Variants in CFAP20DC observed in about 807,000 individuals in gnomAD.
CFAP20DC encodes protein CFAP20DC.
A neutral mutation model predicts 101.7 loss-of-function variants in CFAP20DC; 84 were observed. The observed-to-expected ratio is 0.83, with a 90% confidence interval of 0.69 to 0.99. CFAP20DC has a LOEUF of 0.99. CFAP20DC is among the 50% of genes least tolerant of loss of function. The probability of loss-of-function intolerance (pLI) is 0.00; values close to 1 mark genes in which losing one functional copy is unlikely to be tolerated. For missense variants in CFAP20DC, 1,007 were observed against 970.3 expected (o/e 1.04, Z -0.50); for synonymous variants, 359 against 351.2 (o/e 1.02, Z -0.25).
intron 6 of CFAP20DC, among the ~76,000 whole-genome samples, chr3:58,889,550 CTTTTTTTA>C (rs1396419280): frequency 1.0e-3 from 142 of 135,552 alleles, no homozygotes; most frequent in African/African-American, 4.2e-3. Context: ...TTCTTTTTTT[CTTTTTTTA>C]AATTTATTTT....
At chr3:58,945,536 G>T (rs770069448) in intron 4 of CFAP20DC, among the ~76,000 whole-genome samples, 17 of 152,032 alleles carry the variant, frequency 1.1e-4, no homozygotes, top group Non-Finnish European at 2.1e-4. Flanking sequence ...TCATTCCCAG[G>T]CTCCTGGGGG....
intron 4 of CFAP20DC, among the ~76,000 whole-genome samples, chr3:58,995,216 C>A (rs2093075405): frequency 6.6e-6 from 1 of 152,050 alleles, no homozygotes; most frequent in Non-Finnish European, 1.5e-5. Context: ...CCTTCCTCTG[C>A]CCCATCACTC....
chr3:58,809,361 C>T (rs1041978508), intron 14 of CFAP20DC, among the ~76,000 whole-genome samples: 8 of 152,090 alleles, frequency 5.3e-5, no homozygotes, highest in African/African-American at 1.9e-4. Context: ...TCTCTCAGAC[C>T]ACAGTGCAAT....
chr3:58,939,418 T>C (rs952756258), intron 4 of CFAP20DC, among the ~76,000 whole-genome samples: 1 of 152,208 alleles, frequency 6.6e-6, no homozygotes, highest in South Asian at 2.1e-4. Flanking sequence ...AAAGGGCTAC[T>C]GTGCTTTCAT....
rs559210834 is a variant in CFAP20DC, at chr3:58,854,549, C to G, written c.1594-5140G>C. Among the ~76,000 whole-genome samples the G allele has an allele frequency of 2.2e-4, 34 of 152,268 alleles. No homozygotes were observed. In the South Asian group the frequency reaches 6.2e-3, roughly 28 times the overall value. On this transcript the variant is annotated intron_variant, in intron 12 of 16. Transcript: ENST00000482387. ...CCAAGTCAATCCTGAGCCAAAAGAA[C>G]AAAGCTGGAGGCATCAGGCTACCTG...
chr3:59,048,764 T>C (rs1488310027), intron 1 of CFAP20DC, among the ~76,000 whole-genome samples: 1 of 152,094 alleles, frequency 6.6e-6, no homozygotes, highest in African/African-American at 2.4e-5. Context: ...TTAGATACAG[T>C]AACAAACGTT....
chr3:59,035,523 C>A (rs777510350), intron 4 of CFAP20DC, among the ~76,000 whole-genome samples: 4 of 152,116 alleles, frequency 2.6e-5, no homozygotes, highest in Non-Finnish European at 4.4e-5. Context: ...CACCACTGAT[C>A]CCACAGAAAA....
chr3:58,967,079 A>G (rs1387045236), intron 4 of CFAP20DC, among the ~76,000 whole-genome samples: 1 of 152,216 alleles, frequency 6.6e-6, no homozygotes, highest in Non-Finnish European at 1.5e-5. Flanking sequence ...ACAAAGTTGG[A>G]GGACTCCCAT....
chr3:58,797,938 T>C (rs1315773588), intron 15 of CFAP20DC, among the ~76,000 whole-genome samples: 1 of 152,182 alleles, frequency 6.6e-6, no homozygotes, highest in East Asian at 1.9e-4. Context: ...ACTGAATATC[T>C]TGAGCCTACT....
At chr3:58,834,157 C>G (rs904250732) in intron 13 of CFAP20DC, among the ~76,000 whole-genome samples, 4 of 151,928 alleles carry the variant, frequency 2.6e-5, no homozygotes, top group Non-Finnish European at 4.4e-5. Flanking sequence ...ACTAAGAACT[C>G]CCGAATTCCT....
At chr3:59,012,987 A>G (rs1487392150) in intron 4 of CFAP20DC, among the ~76,000 whole-genome samples, 1 of 152,206 alleles carries the variant, frequency 6.6e-6, no homozygotes, top group Non-Finnish European at 1.5e-5. Flanking sequence ...GTTTTAAAAG[A>G]ACGCATAATT....
In CFAP20DC at chr3:58,786,271, C is replaced by T. The variant is rs563569920; in HGVS notation, c.2237+20124G>A. Among the ~76,000 whole-genome samples the T allele has an allele frequency of 5.0e-4, 76 of 152,214 alleles. 3 individuals carry two copies. The South Asian group carries it at 0.016, about 32-fold the overall frequency. On this transcript the variant is annotated intron_variant, in intron 15 of 16. Coordinates refer to ENST00000482387, the MANE Select transcript of CFAP20DC (RefSeq NM_001394063.1). ...AATTACTTGAATGCCTGCTCTATCC[C>T]ACTTTATATTTGTGTTCTAGGTATT...
intron 6 of CFAP20DC, among the ~76,000 whole-genome samples, chr3:58,901,725 G>A (rs2083162990): frequency 6.6e-6 from 1 of 152,118 alleles, no homozygotes; most frequent in Non-Finnish European, 1.5e-5. Flanking sequence ...AATGAATCAT[G>A]CCTTTAGAGC....
chr3:58,815,788 T>G (rs1280399311), intron 14 of CFAP20DC, among the ~76,000 whole-genome samples: 9 of 149,264 alleles, frequency 6.0e-5, no homozygotes, highest in African/African-American at 2.2e-4. Context: ...ATCAGAGAAA[T>G]GCAAATCAAA....
chr3:58,936,956 CA>C lies in CFAP20DC; in HGVS notation c.393+691del, dbSNP rs35351829. On this transcript the variant is annotated intron_variant, in intron 5 of 16. Coordinates refer to ENST00000482387, the MANE Select transcript of CFAP20DC (RefSeq NM_001394063.1). Reference sequence around the variant, plus strand: ...AAATTAAAAAAAAATAAATTTAAGCCAAAAAAAAAAAAGAGAGATAGTGTTG... The same window carrying C: ...AAATTAAAAAAAAATAAATTTAAGCCAAAAAAAAAAAGAGAGATAGTGTTG... Among the ~76,000 whole-genome samples, 277 of 140,060 alleles carry C rather than the reference CA, an allele frequency of 2.0e-3. 1 individual carries two copies. Among genetic ancestry groups the C allele is most frequent in the African/African-American group, 3.5e-3 (128 of 36,858 alleles). The allele number at this position is 140,060 out of a possible 152,430, so 91.9% of individuals were successfully genotyped here.
Position 58,846,478 on chromosome 3 carries a change from G to A in CFAP20DC, c.1971+2554C>T, listed in dbSNP as rs1319802792. On this transcript the variant is annotated intron_variant, in intron 13 of 16. Transcript: ENST00000482387. ...ACAAGGGATGTGAAGGACCTCTTCA[G>A]GGAGAACTACAAACCACTGCTCAAG... Among the ~76,000 whole-genome samples, 28 of 152,060 alleles carry A rather than the reference G, an allele frequency of 1.8e-4. 1 individual carries two copies. Among genetic ancestry groups the A allele is most frequent in the Admixed American group, 1.4e-3 (21 of 15,232 alleles).
chr3:58,820,279 G>A (rs1177056460), intron 14 of CFAP20DC, among the ~76,000 whole-genome samples: 2 of 149,370 alleles, frequency 1.3e-5, no homozygotes, highest in Admixed American at 1.3e-4. Context: ...CATAGTGTTG[G>A]AAGTTCTGGC....
At position 58,799,760 on chromosome 3, in the gene CFAP20DC, TG is replaced by T. The variant is rs1169833292; in HGVS notation, c.2237+6634del. 2.0e-5 allele frequency among the ~76,000 whole-genome samples: 3 copies of T among 150,620 alleles called. No individual in the cohort carries two copies. Among genetic ancestry groups the T allele is most frequent in the African/African-American group, 7.4e-5 (3 of 40,526 alleles). On this transcript the variant is annotated intron_variant, in intron 15 of 16. Coordinates refer to ENST00000482387, the MANE Select transcript of CFAP20DC (RefSeq NM_001394063.1). The surrounding 1 kb of genome is among the most constrained non-coding windows in gnomAD (Gnocchi z 4.9). ...GTGTGTGTGTGTGTGTGTGTGTGTGTGTGTGTGTAGAAAACAGACAAACAAG... is the reference window on the plus strand; with the variant it reads ...GTGTGTGTGTGTGTGTGTGTGTGTGTTGTGTGTAGAAAACAGACAAACAAG...
intron 4 of CFAP20DC, among the ~76,000 whole-genome samples, chr3:59,028,692 T>C (rs1171820879): frequency 6.6e-6 from 1 of 152,218 alleles, no homozygotes; most frequent in East Asian, 1.9e-4. Flanking sequence ...TTATCCTTTC[T>C]AGGTTTCAGT....
Sources: gnomAD v4.1 joint callset for allele counts (sites outside exome capture counted in the v4.1 genomes callset) on GRCh38, gnomAD v4.1.1 for gene constraint, Gnocchi (gnomAD v3.1) non-coding constraint, MANE v1.5 for transcripts, NCBI Gene and HGNC (gene_info 2026-07-23, HGNC 2026-07-21) for gene names.